Variants in KIAA1549 observed in about 807,000 individuals in gnomAD.
KIAA1549 encodes KIAA1549.
KIAA1549 carries 70 observed loss-of-function variants against 156.4 expected under a neutral mutation model. That is an observed-to-expected ratio of 0.45 (90% CI 0.37 to 0.55). The LOEUF (loss-of-function observed/expected upper bound fraction) is 0.55, where lower values mean the gene tolerates loss of function less well. Ranked by LOEUF, KIAA1549 falls within the 20% of genes least tolerant of loss-of-function variation. The probability of loss-of-function intolerance (pLI) is 0.00; values close to 1 mark genes in which losing one functional copy is unlikely to be tolerated. For missense variants in KIAA1549, 2,428 were observed against 2,540.9 expected, an observed-to-expected ratio of 0.96 and a Z score of 0.96; for synonymous variants, 1,103 against 1,066.4, an observed-to-expected ratio of 1.03 and a Z score of -0.67.
intron 1 of KIAA1549, among the ~76,000 whole-genome samples, chr7:138,953,718 G>GTTAA (rs1223280199): frequency 1.2e-4 from 19 of 152,164 alleles, no homozygotes; most frequent in African/African-American, 4.3e-4. Flanking sequence ...GTAATAAAAT[G>GTTAA]TTAAGGCCTT....
chr7:138,863,434 G>T (rs925131762), intron 15 of KIAA1549, among the ~76,000 whole-genome samples: 1 of 151,916 alleles, frequency 6.6e-6, no homozygotes, highest in South Asian at 2.1e-4. Context: ...TGCTTCTAAC[G>T]GGTGATCAGT....
At chr7:138,841,380 G>A (rs1020332385) in intron 18 of KIAA1549, among the ~76,000 whole-genome samples, 2 of 152,124 alleles carry the variant, frequency 1.3e-5, no homozygotes, top group African/African-American at 4.8e-5. Flanking sequence ...TCACTGGTGC[G>A]GTGAGCTGAT....
intron 1 of KIAA1549, among the ~76,000 whole-genome samples, chr7:138,967,885 G>A (rs1814079860): frequency 6.6e-6 from 1 of 152,170 alleles, no homozygotes; most frequent in Admixed American, 6.5e-5. Context: ...GGCCTGCACA[G>A]ATGCCCCTCC....
chr7:138,831,521 G>A lies in KIAA1549; in HGVS notation c.*6385C>T. 1 of 220,126 alleles carries A rather than the reference G, an allele frequency of 4.5e-6. No individual in the cohort carries two copies. Among genetic ancestry groups the A allele is most frequent in the Non-Finnish European group, 9.1e-6 (1 of 109,794 alleles). 13.6% of individuals were successfully genotyped at this position (220,126 alleles called of 1,614,324 possible). A position where few individuals can be genotyped will look rare whatever the true frequency, so the allele number is the denominator to read the frequency against. On this transcript the variant is annotated 3_prime_UTR_variant, in exon 20 of 20. Transcript: ENST00000422774. ...CACATTAGAAAACAGTGCAGCTATT[G>A]AAGGATAGAAACATAAAACCGACAA...
chr7:138,871,289 G>A lies in KIAA1549; in HGVS notation c.4419C>T (p.Ser1473=), dbSNP rs760151201. ...CCCGCCGGCTAGCCTCCGGGGGGCGGGAGATCCTGTCCACGTGCTCGAAGA... is the reference window on the plus strand; with the variant it reads ...CCCGCCGGCTAGCCTCCGGGGGGCGAGAGATCCTGTCCACGTGCTCGAAGA... ...ASIFEHVDRI[S]RPPEASRRVP... Residue 1473 remains serine (S), a synonymous_variant, in exon 13 of 20, where the codon TCC becomes TCT. Transcript: ENST00000422774. The A allele has an allele frequency of 1.7e-5, 27 of 1,609,644 alleles. No individual in the cohort carries two copies. Among genetic ancestry groups the A allele is most frequent in the Non-Finnish European group, 8.5e-6 (10 of 1,177,906 alleles).
At chr7:138,893,888 T>C (rs897470230) in intron 10 of KIAA1549, among the ~76,000 whole-genome samples, 3 of 152,212 alleles carry the variant, frequency 2.0e-5, no homozygotes, top group Non-Finnish European at 2.9e-5. Context: ...CTCGCCAACA[T>C]GGCAAAACCC....
intron 7 of KIAA1549, 98 bp downstream of exon 7, chr7:138,904,924 C>G (rs1383486870): frequency 1.3e-6 from 1 of 766,178 alleles, no homozygotes; most frequent in Non-Finnish European, 2.1e-6. Flanking sequence ...ACATTTTGCC[C>G]TAAATTTAGG....
intron 5 of KIAA1549, 97 bp downstream of exon 5, chr7:138,908,894 C>T: frequency 6.8e-7 from 1 of 1,474,196 alleles, no homozygotes; most frequent in South Asian, 1.3e-5. Flanking sequence ...GTTTCCGCCA[C>T]TGGAGGGAAT....
At chr7:138,868,180 T>C in intron 14 of KIAA1549, 52 bp from the exon 15 acceptor site, 2 of 1,558,680 alleles carry the variant, frequency 1.3e-6, no homozygotes, top group Admixed American at 1.8e-5. Context: ...TTTTTGCCAC[T>C]GACTTACCAA....
In KIAA1549 at chr7:138,933,562, A is replaced by G. The variant is rs180805193; in HGVS notation, c.188-14124T>C. Among the ~76,000 whole-genome samples, 15 of 152,382 alleles carry G rather than the reference A, an allele frequency of 9.8e-5. No homozygotes were observed. In the East Asian group the frequency reaches 2.9e-3, roughly 29 times the overall value. ...ATGGCATTGAACAAATGCAAACTTCATAATTGTGGTAACCCCACTATGATC... is the reference window on the plus strand; with the variant it reads ...ATGGCATTGAACAAATGCAAACTTCGTAATTGTGGTAACCCCACTATGATC... On this transcript the variant is annotated intron_variant, in intron 1 of 19. Transcript: ENST00000422774.
chr7:138,909,135 C>G lies in KIAA1549; in HGVS notation c.3146-14G>C, dbSNP rs776264891. ...CAAACTGAAGTACTGAAAAGAAAAGCAATCAAAGTCCCATAAATGAGGTGT... is the reference window on the plus strand; with the variant it reads ...CAAACTGAAGTACTGAAAAGAAAAGGAATCAAAGTCCCATAAATGAGGTGT... On this transcript the variant is annotated splice_polypyrimidine_tract_variant and intron_variant, in intron 4 of 19. Coordinates refer to ENST00000422774, the MANE Select transcript of KIAA1549 (RefSeq NM_001164665.2). The G allele has an allele frequency of 6.2e-7, 1 of 1,607,424 alleles. No homozygotes were observed. Among genetic ancestry groups the G allele is most frequent in the Non-Finnish European group, 8.5e-7 (1 of 1,176,374 alleles).
In KIAA1549 at chr7:138,871,402, T is replaced by A. The variant is rs763832469; in HGVS notation, c.4346-40A>T. ...AAAGCAAAACACATACACGAAGTCA[T>A]CTAAAGAAACAGCAACTAATCAAAA... On this transcript the variant is annotated intron_variant, in intron 12 of 19. Coordinates refer to ENST00000422774, the MANE Select transcript of KIAA1549 (RefSeq NM_001164665.2). The A allele has an allele frequency of 1.4e-5, 21 of 1,477,142 alleles. No individual in the cohort carries two copies. The East Asian group carries it at 2.6e-4, about 19-fold the overall frequency. 91.5% of individuals were successfully genotyped at this position (1,477,142 alleles called of 1,614,324 possible).
At chr7:138,974,703 G>A (rs572001741) in intron 1 of KIAA1549, among the ~76,000 whole-genome samples, 2 of 151,522 alleles carry the variant, frequency 1.3e-5, no homozygotes, top group East Asian at 1.9e-4. Flanking sequence ...GATTATAAGC[G>A]TGAGCCACCA....
rs891758874 is a variant in KIAA1549 at position 138,903,450 on chromosome 7, GATCAGTGGAA to G, written c.3669+128_3669+137del. On this transcript the variant is annotated intron_variant, in intron 8 of 19. Coordinates refer to ENST00000422774, the MANE Select transcript of KIAA1549 (RefSeq NM_001164665.2). ...AGATTCAGTGGCTACCCAATATAGC[GATCAGTGGAA>G]ATCAGAAATTTCTCATGGCACTTCT... 3.9e-5 allele frequency: 33 copies of G among 852,064 alleles called. No homozygotes were observed. The African/African-American group carries it at 5.3e-4, about 14-fold the overall frequency. The allele number at this position is 852,064 out of a possible 1,614,324, so 52.8% of individuals were successfully genotyped here.
At chr7:138,903,857 G>GCA (rs1340851756) in intron 7 of KIAA1549, 121 bp from the exon 8 acceptor site, 6 of 618,254 alleles carry the variant, frequency 9.7e-6, no homozygotes, top group African/African-American at 6.7e-5. Flanking sequence ...GTGTGTGCGC[G>GCA]CGCGCGCGCG....
intron 14 of KIAA1549, among the ~76,000 whole-genome samples, chr7:138,869,284 A>T (rs1017023615): frequency 6.6e-6 from 1 of 152,240 alleles, no homozygotes; most frequent in East Asian, 1.9e-4. Flanking sequence ...AGGCAGGCAG[A>T]GGGGCAGAGT....
At position 138,936,075 on chromosome 7, in the gene KIAA1549, C is replaced by T. The variant is rs572574801; in HGVS notation, c.188-16637G>A. Among the ~76,000 whole-genome samples, 636 of 152,308 alleles carry T rather than the reference C, an allele frequency of 4.2e-3. 5 individuals are homozygous for T. Among genetic ancestry groups the T allele is most frequent in the African/African-American group, 0.015 (619 of 41,548 alleles). On this transcript the variant is annotated intron_variant, in intron 1 of 19. Coordinates refer to ENST00000422774, the MANE Select transcript of KIAA1549 (RefSeq NM_001164665.2). ...GAGCGGAAAGAAGCATAAAATAGTG[C>T]TCCATCATACACACAGATATGCATG...
At position 138,840,235 on chromosome 7, in the gene KIAA1549, T is replaced by C. The variant is rs1809873712; in HGVS notation, c.5496A>G (p.Arg1832=). 2 of 1,590,546 alleles carry C rather than the reference T, an allele frequency of 1.3e-6. No homozygotes were observed. Among genetic ancestry groups the C allele is most frequent in the Middle Eastern group, 1.7e-4 (1 of 6,034 alleles). The change falls in exon 19 of 20, where the codon AGA becomes AGG. Residue 1832 remains arginine (R), a synonymous_variant. Coordinates refer to ENST00000422774, the MANE Select transcript of KIAA1549 (RefSeq NM_001164665.2). ...QHLTQVGIAS[R]IGAQPVEIPP... is the part of the protein sequence containing the mutation. ...GGATTTCCACTGGCTGAGCTCCAAT[T>C]CTGCTGGCAATCCCCACCTGTGTCA...
In KIAA1549 at chr7:138,917,280, G is replaced by A. The variant is rs551976861; in HGVS notation, c.2346C>T (p.Ala782=). 5.6e-5 allele frequency: 90 copies of A among 1,613,794 alleles called. 1 individual carries two copies. The South Asian group carries it at 6.6e-4, about 12-fold the overall frequency. The change falls in exon 2 of 20, where the codon GCC becomes GCT. Residue 782 remains alanine (A), a synonymous_variant. Coordinates refer to ENST00000422774, the MANE Select transcript of KIAA1549 (RefSeq NM_001164665.2). The stretch of plus-strand genomic sequence containing the variant: ...TCAATGGTGATGTTGCTTGAATCCC[G>A]GCAGTCAAAATGTCAAAAGACTCAG... ...PGSESFDILT[A]GIQATSPLTT...
Sources: allele counts gnomAD v4.1 joint callset (sites outside exome capture counted in the v4.1 genomes callset), GRCh38; gene constraint gnomAD v4.1.1; transcripts MANE v1.5; gene names NCBI Gene and HGNC (gene_info 2026-07-23, HGNC 2026-07-21).